The following ENPEP variants were observed in gnomAD, a reference collection of about 807,000 sequenced individuals.
ENPEP encodes glutamyl aminopeptidase, also known as AP-A.
A neutral mutation model predicts 114.5 loss-of-function variants in ENPEP; 103 were observed. The observed-to-expected ratio is 0.90, with a 90% confidence interval of 0.77 to 1.06. The LOEUF (loss-of-function observed/expected upper bound fraction) is 1.06. Ranked by LOEUF, ENPEP falls within the 50% of genes least tolerant of loss-of-function variation. ENPEP has a pLI of 0.00. For synonymous variants in ENPEP, 420 were observed against 422.0 expected (o/e 1.00, Z 0.06); for missense variants, 1,196 against 1,161.3 (o/e 1.03, Z -0.43).
chr4:110,542,664 A>C, intron 11 of ENPEP, 87 bp from the exon 12 acceptor site: 2 of 1,304,860 alleles, frequency 1.5e-6, no homozygotes, highest in South Asian at 1.8e-5. Flanking sequence ...CTTTTCTTTT[A>C]TTTTCTTTTT....
intron 3 of ENPEP, among the ~76,000 whole-genome samples, chr4:110,492,952 A>G (rs556792990): frequency 2.1e-4 from 32 of 152,310 alleles, no homozygotes; most frequent in African/African-American, 7.5e-4. Flanking sequence ...AAATTTTTCT[A>G]TTTGAGGTAG....
intron 13 of ENPEP, among the ~76,000 whole-genome samples, chr4:110,547,672 A>C (rs669262): frequency 6.6e-6 from 1 of 151,982 alleles, no homozygotes; most frequent in African/African-American, 2.4e-5. Flanking sequence ...TGGGAAATGT[A>C]TAAGAAGATG....
intron 18 of ENPEP, among the ~76,000 whole-genome samples, chr4:110,556,389 T>C (rs1727472867): frequency 6.6e-6 from 1 of 152,168 alleles, no homozygotes; most frequent in Non-Finnish European, 1.5e-5. Flanking sequence ...ACTTGCTTTT[T>C]TTCCTCATCA....
chr4:110,516,584 T>C (rs1390640730), intron 8 of ENPEP, among the ~76,000 whole-genome samples: 2 of 152,134 alleles, frequency 1.3e-5, no homozygotes, highest in East Asian at 3.9e-4. Context: ...AAAGTACTTC[T>C]TCTGTATGTG....
chr4:110,529,900 C>T (rs2110373074), intron 10 of ENPEP, among the ~76,000 whole-genome samples: 1 of 141,972 alleles, frequency 7.0e-6, no homozygotes, highest in South Asian at 2.4e-4. Flanking sequence ...ATAGTGAAAC[C>T]CCGTCTCTAC....
In ENPEP at chr4:110,476,155, G is replaced by T; in HGVS notation, c.-260G>T. 2.5e-6 allele frequency: 1 copy of T among 404,042 alleles called. No homozygotes were observed. The highest frequency in any genetic ancestry group is 3.8e-5 in the East Asian group (1 of 26,200). 25.0% of individuals were successfully genotyped at this position (404,042 alleles called of 1,614,324 possible). A position where few individuals can be genotyped will look rare whatever the true frequency, so the allele number is the denominator to read the frequency against. On this transcript the variant is annotated 5_prime_UTR_variant, in exon 1 of 20. Coordinates refer to ENST00000265162, the MANE Select transcript of ENPEP (RefSeq NM_001977.4). The stretch of plus-strand genomic sequence containing the variant: ...TAAGGGGAGCTGTGACAATCTTCTT[G>T]CCAGCCCTCTTCCTCCCACTCGGCT...
chr4:110,510,103 G>A, intron 5 of ENPEP, 142 bp from the exon 6 acceptor site: 1 of 717,514 alleles, frequency 1.4e-6, no homozygotes, highest in Non-Finnish European at 2.3e-6. Flanking sequence ...GAATAAAGCA[G>A]GAAATAAATG....
intron 6 of ENPEP, among the ~76,000 whole-genome samples, chr4:110,512,253 C>T (rs17552333): frequency 0.11 from 16,814 of 152,158 alleles, 1,091 homozygotes; most frequent in Middle Eastern, 0.29. Flanking sequence ...GGTGAAAAAT[C>T]GGAAGGCCAG....
At chr4:110,516,395 C>T (rs544156913) in intron 8 of ENPEP, among the ~76,000 whole-genome samples, 36 of 152,278 alleles carry the variant, frequency 2.4e-4, no homozygotes, top group Non-Finnish European at 4.3e-4. Context: ...CCTATAACTG[C>T]CGTCTCTGCA....
At chr4:110,499,086 A>AT (rs1214545127) in intron 3 of ENPEP, among the ~76,000 whole-genome samples, 1 of 152,036 alleles carries the variant, frequency 6.6e-6, no homozygotes, top group East Asian at 1.9e-4. Flanking sequence ...CATAACATTT[A>AT]TTTTTTTCCC....
intron 7 of ENPEP, among the ~76,000 whole-genome samples, chr4:110,514,792 A>G (rs544707345): frequency 1.3e-5 from 2 of 152,222 alleles, no homozygotes; most frequent in South Asian, 4.1e-4. Flanking sequence ...TAACACATAA[A>G]AAGAAAGTAC....
At chr4:110,501,171 A>C (rs188340932) in intron 3 of ENPEP, among the ~76,000 whole-genome samples, 1 of 152,342 alleles carries the variant, frequency 6.6e-6, no homozygotes, top group East Asian at 1.9e-4. Flanking sequence ...TTACAAAATT[A>C]ATGGGCTGTA....
At position 110,549,563 on chromosome 4, in the gene ENPEP, A is replaced by G; in HGVS notation, c.2261A>G (p.Lys754Arg). ...TCCTCCGTGTTAGGGTTTGCGTGCA[A>G]GATGGGAGACAGAGAAGCCTTGAAC... Reference protein sequence around the residue: ...LRSSVLGFACKMGDREALNNA... With the variant: ...LRSSVLGFACRMGDREALNNA... The change falls in exon 16 of 20, where the codon AAG becomes AGG. Residue 754 changes from lysine (K) to arginine (R), a missense_variant. Coordinates refer to ENST00000265162, the MANE Select transcript of ENPEP (RefSeq NM_001977.4). The G allele has an allele frequency of 1.5e-5, 24 of 1,613,640 alleles. No individual in the cohort carries two copies. Among genetic ancestry groups the G allele is most frequent in the Non-Finnish European group, 2.0e-5 (24 of 1,179,690 alleles).
chr4:110,492,406 G>A (rs1315622210), intron 3 of ENPEP, among the ~76,000 whole-genome samples: 1 of 152,138 alleles, frequency 6.6e-6, no homozygotes, highest in East Asian at 1.9e-4. Context: ...GAGAGGGGAT[G>A]GGTTCCTCTA....
At chr4:110,493,477 G>A (rs931452469) in intron 3 of ENPEP, among the ~76,000 whole-genome samples, 3 of 152,090 alleles carry the variant, frequency 2.0e-5, no homozygotes, top group Admixed American at 2.0e-4. Flanking sequence ...CTTCTCAGAG[G>A]CTCTGAGCCA....
At chr4:110,504,126 T>C (rs1416437803) in intron 3 of ENPEP, among the ~76,000 whole-genome samples, 1 of 152,160 alleles carries the variant, frequency 6.6e-6, no homozygotes, top group Non-Finnish European at 1.5e-5. Context: ...ACCTTGGCAG[T>C]TGCTGTAGCA....
intron 3 of ENPEP, among the ~76,000 whole-genome samples, chr4:110,492,180 T>C (rs978432414): frequency 1.3e-5 from 2 of 152,226 alleles, no homozygotes; most frequent in African/African-American, 4.8e-5. Context: ...AGCCTCATCA[T>C]CTTTGCAATA....
At chr4:110,522,854 T>C (rs1726053791) in intron 10 of ENPEP, among the ~76,000 whole-genome samples, 1 of 152,186 alleles carries the variant, frequency 6.6e-6, no homozygotes, top group Non-Finnish European at 1.5e-5. Context: ...CACATAACAC[T>C]TTTTTGAAAG....
Position 110,563,970 on chromosome 4 carries a change from A to G in ENPEP, c.*2412A>G, listed in dbSNP as rs1313837454. ...AGTCCAAAAGTAGAAACAACAGAGT[A>G]GGGGCAAAAATCTAGAACAATAATT... On this transcript the variant is annotated 3_prime_UTR_variant, in exon 20 of 20. Coordinates refer to ENST00000265162, the MANE Select transcript of ENPEP (RefSeq NM_001977.4). The G allele has an allele frequency of 2.0e-5, 3 of 152,180 alleles. No individual in the cohort carries two copies. The highest frequency in any genetic ancestry group is 7.2e-5 in the African/African-American group (3 of 41,442). 9.4% of individuals were successfully genotyped at this position (152,180 alleles called of 1,614,324 possible). A position where few individuals can be genotyped will look rare whatever the true frequency, so the allele number is the denominator to read the frequency against.
Sources: allele counts gnomAD v4.1 joint callset (sites outside exome capture counted in the v4.1 genomes callset), GRCh38; gene constraint gnomAD v4.1.1; transcripts MANE v1.5; gene names NCBI Gene and HGNC (gene_info 2026-07-23, HGNC 2026-07-21).